Variants in GSE1 observed in about 807,000 individuals in gnomAD.
GSE1 encodes Gse1 coiled-coil protein.
GSE1 carries 32 observed loss-of-function variants against 112.6 expected under a neutral mutation model. The observed-to-expected ratio is 0.28, with a 90% confidence interval of 0.21 to 0.38. The LOEUF is 0.38. GSE1 is among the 10% of genes least tolerant of loss of function. The probability of loss-of-function intolerance (pLI) is 1.00; values close to 1 mark genes in which losing one functional copy is unlikely to be tolerated. For synonymous variants in GSE1, 1,115 were observed against 735.6 expected (o/e 1.52, Z -8.35); for missense variants, 2,348 against 1,699.2 (o/e 1.38, Z -6.71).
At chr16:85,394,509 G>A (rs1454968809) in intron 2 of GSE1, among the ~76,000 whole-genome samples, 1 of 152,090 alleles carries the variant, frequency 6.6e-6, no homozygotes, top group African/African-American at 2.4e-5. Flanking sequence ...GCTTGAGGGG[G>A]CTCTGCTTTA....
intron 1 of GSE1, among the ~76,000 whole-genome samples, chr16:85,208,190 T>G (rs1409911144): frequency 1.3e-5 from 2 of 152,144 alleles, no homozygotes; most frequent in African/African-American, 4.8e-5. Flanking sequence ...GTTTCCCTGG[T>G]GTCCAGGCCC....
intron 2 of GSE1, among the ~76,000 whole-genome samples, chr16:85,444,907 C>A (rs1167129149): frequency 6.6e-6 from 1 of 152,210 alleles, no homozygotes; most frequent in Admixed American, 6.5e-5. Flanking sequence ...CCCCTTCCCG[C>A]GGCGCTGGCT....
At chr16:85,659,010 C>T (rs901988730) in intron 8 of GSE1, among the ~76,000 whole-genome samples, 12 of 152,234 alleles carry the variant, frequency 7.9e-5, no homozygotes, top group Non-Finnish European at 1.8e-4. Context: ...TGACAGGGCC[C>T]TCATGCTCCA....
chr16:85,329,627 G>A (rs1002697205), intron 1 of GSE1, among the ~76,000 whole-genome samples: 1 of 151,952 alleles, frequency 6.6e-6, no homozygotes, highest in Non-Finnish European at 1.5e-5. Context: ...GAGAAGGTTC[G>A]CCTGTGCCAA....
At chr16:85,422,416 C>T (rs1359333129) in intron 2 of GSE1, among the ~76,000 whole-genome samples, 1 of 152,026 alleles carries the variant, frequency 6.6e-6, no homozygotes, top group African/African-American at 2.4e-5. Flanking sequence ...ATGTCGGTTC[C>T]TCCCCCGGAG....
intron 2 of GSE1, among the ~76,000 whole-genome samples, chr16:85,643,268 C>T (rs984977357): frequency 2.6e-5 from 4 of 152,208 alleles, no homozygotes; most frequent in African/African-American, 7.2e-5. Context: ...CAGTTAATTA[C>T]AGCAATCACA....
chr16:85,220,122 C>A (rs1261321910), intron 1 of GSE1, among the ~76,000 whole-genome samples: 1 of 152,250 alleles, frequency 6.6e-6, no homozygotes, highest in African/African-American at 2.4e-5. Flanking sequence ...GGCCCCTCAC[C>A]CTTTCTCAAG....
Position 85,500,079 on chromosome 16 carries a change from G to A in GSE1, c.2465-133835G>A, listed in dbSNP as rs1051246010. On this transcript the variant is annotated intron_variant, in intron 2 of 2. Coordinates refer to the GSE1 transcript ENST00000637419. ...GAGACCACCCTAAACACCCCACCAC[G>A]GAGCAGTGGTGTTAGTACTGTGGAA... Among the ~76,000 whole-genome samples the A allele has an allele frequency of 8.2e-4, 125 of 152,166 alleles. 1 individual carries two copies. The highest frequency in any genetic ancestry group is 8.3e-4 in the South Asian group (4 of 4,828).
intron 2 of GSE1, among the ~76,000 whole-genome samples, chr16:85,384,237 C>T (rs918548501): frequency 6.6e-6 from 1 of 152,156 alleles, no homozygotes; most frequent in African/African-American, 2.4e-5. Context: ...AGACCCTCTC[C>T]GAGAGGAGCA....
At chr16:85,185,777 G>C (rs1344457487) in intron 1 of GSE1, among the ~76,000 whole-genome samples, 2 of 152,252 alleles carry the variant, frequency 1.3e-5, no homozygotes, top group African/African-American at 4.8e-5. Flanking sequence ...AAGTGCCTCA[G>C]GGGCTCCGTG....
chr16:85,440,114 A>G (rs530009692), intron 2 of GSE1, among the ~76,000 whole-genome samples: 200 of 152,364 alleles, frequency 1.3e-3, no homozygotes, highest in African/African-American at 3.9e-3. Context: ...TCCAGTGCCA[A>G]GCATGGGGCT....
intron 2 of GSE1, among the ~76,000 whole-genome samples, chr16:85,492,087 C>A (rs1161434042): frequency 6.6e-6 from 1 of 152,216 alleles, no homozygotes; most frequent in South Asian, 2.1e-4. Context: ...ACTGGACACG[C>A]CCGCCCCTCC....
intron 14 of GSE1, among the ~76,000 whole-genome samples, chr16:85,669,688 A>G (rs2053168802): frequency 1.3e-5 from 2 of 152,114 alleles, no homozygotes; most frequent in South Asian, 2.1e-4. Flanking sequence ...TTATTTCCAT[A>G]CCCCATGGCT....
intron 1 of GSE1, among the ~76,000 whole-genome samples, chr16:85,336,586 A>G (rs2046490608): frequency 1.3e-5 from 2 of 150,844 alleles, no homozygotes; most frequent in Non-Finnish European, 1.5e-5. Context: ...TGCACAGGAC[A>G]CACACATGCC....
intron 1 of GSE1, among the ~76,000 whole-genome samples, chr16:85,624,914 G>A (rs962910610): frequency 8.5e-5 from 13 of 152,206 alleles, no homozygotes; most frequent in Non-Finnish European, 1.6e-4. Flanking sequence ...TGGCCCCAGC[G>A]GCCTGTGTCA....
intron 2 of GSE1, among the ~76,000 whole-genome samples, chr16:85,523,988 G>T (rs1187581806): frequency 6.6e-6 from 1 of 152,178 alleles, no homozygotes; most frequent in East Asian, 1.9e-4. Context: ...GGGCTTTTGG[G>T]GTGATGCTGT....
chr16:85,401,953 T>A (rs1204941750), intron 2 of GSE1, among the ~76,000 whole-genome samples: 1 of 152,154 alleles, frequency 6.6e-6, no homozygotes, highest in Non-Finnish European at 1.5e-5. Context: ...CAGGTATGAG[T>A]CTGCAGGTGC....
At chr16:85,668,878 C>T (rs1023416417) in intron 14 of GSE1, among the ~76,000 whole-genome samples, 4 of 152,190 alleles carry the variant, frequency 2.6e-5, no homozygotes, top group African/African-American at 9.7e-5. Flanking sequence ...GTCATGTTTT[C>T]AGCTGCCTTT....
chr16:85,660,468 C>T (rs73253229), intron 8 of GSE1, among the ~76,000 whole-genome samples: 18 of 152,184 alleles, frequency 1.2e-4, no homozygotes, highest in African/African-American at 3.8e-4. Context: ...GAAACCCTAT[C>T]TCTACTAAAT....
Sources: allele counts gnomAD v4.1 joint callset (sites outside exome capture counted in the v4.1 genomes callset), GRCh38; gene constraint gnomAD v4.1.1; transcripts MANE v1.5; gene names NCBI Gene and HGNC (gene_info 2026-07-23, HGNC 2026-07-21).